The following NFIB variants were observed in gnomAD, a reference collection of about 807,000 sequenced individuals.
NFIB encodes the protein nuclear factor I B.
In NFIB, 11 loss-of-function variants were observed where a neutral mutation model predicts 61.5. The observed-to-expected ratio is 0.18, with a 90% CI of 0.11 to 0.30. NFIB has a LOEUF of 0.30. Ranked by LOEUF, NFIB falls within the 10% of genes least tolerant of loss-of-function variation. The pLI, the probability that NFIB is intolerant of heterozygous loss-of-function variation, is 1.00. For missense variants in NFIB, 471 were observed against 608.9 expected (o/e 0.77, Z 2.38); for synonymous variants, 260 against 216.5 (o/e 1.20, Z -1.76).
chr9:14,102,399 G>T, intron 10 of NFIB: 1 of 1,533,522 alleles, frequency 6.5e-7, no homozygotes, highest in Non-Finnish European at 8.8e-7. Context: ...TAAGTGTAGG[G>T]TTGGAAATAA....
At chr9:14,151,622 C>T (rs941002354) in intron 4 of NFIB, among the ~76,000 whole-genome samples, 4 of 152,106 alleles carry the variant, frequency 2.6e-5, no homozygotes, top group African/African-American at 9.7e-5. Context: ...ATAGCTGGCA[C>T]TGGACTCTGG....
chr9:14,283,058 C>T (rs115878082), intron 2 of NFIB, among the ~76,000 whole-genome samples: 1 of 152,178 alleles, frequency 6.6e-6, no homozygotes, highest in African/African-American at 2.4e-5. Flanking sequence ...CTTAGAACTA[C>T]TCTGGCTAAG....
At chr9:14,354,836 G>T (rs887138177) in intron 1 of NFIB, among the ~76,000 whole-genome samples, 6 of 150,500 alleles carry the variant, frequency 4.0e-5, no homozygotes, top group African/African-American at 1.5e-4. Flanking sequence ...ATTGTCCCGT[G>T]AAGGATCACT....
At chr9:14,360,273 A>G (rs2061223053) in intron 1 of NFIB, among the ~76,000 whole-genome samples, 2 of 152,166 alleles carry the variant, frequency 1.3e-5, no homozygotes, top group Admixed American at 1.3e-4. Flanking sequence ...AGAGCTTACA[A>G]TTTATTTGCC....
chr9:14,145,617 C>T lies in NFIB; in HGVS notation c.925+1072G>A, dbSNP rs76391369. On this transcript the variant is annotated intron_variant, in intron 6 of 10. Transcript: ENST00000380953. Reference sequence around the variant, plus strand: ...ACCCTCACCAATACACACCCAAGTCCTGGGCTGAAAACCATTATTCCTTTC... The same window carrying T: ...ACCCTCACCAATACACACCCAAGTCTTGGGCTGAAAACCATTATTCCTTTC... Among the ~76,000 whole-genome samples the T allele has an allele frequency of 5.4e-3, 824 of 151,558 alleles. 5 individuals carry two copies. Among genetic ancestry groups the T allele is most frequent in the Middle Eastern group, 0.024 (7 of 290 alleles).
chr9:14,455,922 GA>G, the NFIB span, among the ~76,000 whole-genome samples: 1 of 152,030 alleles, frequency 6.6e-6, no homozygotes, highest in Non-Finnish European at 1.5e-5. Flanking sequence ...GGAGAGTTTT[GA>G]AAATAAAAAA....
At chr9:14,116,667 C>G (rs2038193759) in intron 8 of NFIB, among the ~76,000 whole-genome samples, 1 of 152,206 alleles carries the variant, frequency 6.6e-6, no homozygotes, top group South Asian at 2.1e-4. Context: ...ATGCTTAGCC[C>G]AAAGGCTAAA....
intron 2 of NFIB, among the ~76,000 whole-genome samples, chr9:14,256,263 C>A (rs1771585195): frequency 6.6e-6 from 1 of 152,154 alleles, no homozygotes; most frequent in Admixed American, 6.5e-5. Context: ...CCTTAATAAT[C>A]TCAGTTTCAT....
intron 1 of NFIB, among the ~76,000 whole-genome samples, chr9:14,383,354 G>C (rs2061510371): frequency 6.6e-6 from 1 of 152,160 alleles, no homozygotes; most frequent in South Asian, 2.1e-4. Flanking sequence ...TGCCCAGAAA[G>C]GGTGGATCTG....
the NFIB span, among the ~76,000 whole-genome samples, chr9:14,492,827 A>G: frequency 6.6e-6 from 1 of 152,150 alleles, no homozygotes; most frequent in Non-Finnish European, 1.5e-5. Context: ...TAAAGAGGCT[A>G]AGGGCCATGA....
At chr9:14,144,220 G>A (rs1238858795) in intron 6 of NFIB, among the ~76,000 whole-genome samples, 3 of 152,014 alleles carry the variant, frequency 2.0e-5, no homozygotes. Context: ...TATGATTTGA[G>A]ATTGGCTTTA....
At chr9:14,140,826 T>C (rs149950979) in intron 6 of NFIB, among the ~76,000 whole-genome samples, 2 of 152,110 alleles carry the variant, frequency 1.3e-5, no homozygotes, top group African/African-American at 2.4e-5. Flanking sequence ...CCCAGCTACC[T>C]GTGAAGCTGA....
At chr9:14,355,934 G>A (rs1463180905) in intron 1 of NFIB, among the ~76,000 whole-genome samples, 3 of 151,618 alleles carry the variant, frequency 2.0e-5, no homozygotes, top group Non-Finnish European at 2.9e-5. Flanking sequence ...TGCAGCCTGG[G>A]TGACAGAGCG....
rs908765799 is a variant in NFIB, at chr9:14,150,269, A to C, written c.686-4T>G. On this transcript the variant is annotated splice_region_variant and splice_polypyrimidine_tract_variant and intron_variant, in intron 4 of 10. Coordinates refer to ENST00000380953, the MANE Select transcript of NFIB (RefSeq NM_001190737.2). ...CCAGTTCCCTGGGTTATGGGCGCTG[A>C]GGAATAAGACAAAGAAGCACTGGGA... 1.2e-6 allele frequency: 2 copies of C among 1,613,150 alleles called. No individual in the cohort carries two copies. Among genetic ancestry groups the C allele is most frequent in the Admixed American group, 3.3e-5 (2 of 59,944 alleles).
Position 14,378,557 on chromosome 9 carries a change from A to G in NFIB, c.108+19967T>C, listed in dbSNP as rs1023792405. ...TTTTTAGTAGAGACGGGGTTTCACC[A>G]TATCGGCCAGGATGGACTCAATCTC... On this transcript the variant is annotated intron_variant, in intron 1 of 8. Coordinates refer to the NFIB transcript ENST00000380934. Among the ~76,000 whole-genome samples, 6 of 152,162 alleles carry G rather than the reference A, an allele frequency of 3.9e-5. No homozygotes were observed. The East Asian group carries it at 9.6e-4, about 24-fold the overall frequency.
At chr9:14,312,599 T>C (rs2060333270) in intron 1 of NFIB, among the ~76,000 whole-genome samples, 1 of 152,222 alleles carries the variant, frequency 6.6e-6, no homozygotes, top group African/African-American at 2.4e-5. Context: ...CGCTTTTCTA[T>C]TTGACCGTCT....
intron 2 of NFIB, among the ~76,000 whole-genome samples, chr9:14,201,419 A>G (rs979685916): frequency 6.6e-6 from 1 of 152,194 alleles, no homozygotes; most frequent in Middle Eastern, 3.2e-3. Context: ...ATGCCGTGCA[A>G]CTGCAGGTCT....
At position 14,178,846 on chromosome 9, in the gene NFIB, G is replaced by A. The variant is rs375988215; in HGVS notation, c.616+881C>T. Among the ~76,000 whole-genome samples, 30 of 152,164 alleles carry A rather than the reference G, an allele frequency of 2.0e-4. No individual in the cohort carries two copies. The South Asian group carries it at 6.2e-3, about 32-fold the overall frequency. On this transcript the variant is annotated intron_variant, in intron 3 of 10. Coordinates refer to ENST00000380953, the MANE Select transcript of NFIB (RefSeq NM_001190737.2). ...GACCTAAAAACTAAGTCTACCTGAGGAAACTTTTCCTATTACTTCATATAA... is the reference window on the plus strand; with the variant it reads ...GACCTAAAAACTAAGTCTACCTGAGAAAACTTTTCCTATTACTTCATATAA...
chr9:14,181,419 C>T (rs1280818869), intron 2 of NFIB, among the ~76,000 whole-genome samples: 1 of 152,174 alleles, frequency 6.6e-6, no homozygotes, highest in East Asian at 1.9e-4. Context: ...GCTGAGAACT[C>T]TCTGAAAATC....
Sources: gnomAD v4.1 joint callset for allele counts (sites outside exome capture counted in the v4.1 genomes callset) on GRCh38, gnomAD v4.1.1 for gene constraint, MANE v1.5 for transcripts, NCBI Gene and HGNC (gene_info 2026-07-23, HGNC 2026-07-21) for gene names.